The following FOCAD variants were observed in gnomAD, a reference collection of about 807,000 sequenced individuals.
FOCAD encodes the protein focadhesin.
FOCAD carries 198 observed loss-of-function variants against 225.6 expected under a neutral mutation model. That is an observed-to-expected ratio of 0.88 (90% CI 0.78 to 0.99). The LOEUF is 0.99. FOCAD is among the 50% of genes least tolerant of loss of function. FOCAD has a pLI of 0.00. For synonymous variants in FOCAD, 897 were observed against 755.0 expected (o/e 1.19, Z -3.08); for missense variants, 2,713 against 2,123.6 (o/e 1.28, Z -5.46).
At chr9:20,738,645 G>A in intron 4 of FOCAD, among the ~76,000 whole-genome samples, 1 of 152,188 alleles carries the variant, frequency 6.6e-6, no homozygotes. Flanking sequence ...TACCACTGTA[G>A]ATTGTGAAAA....
intron 11 of FOCAD, among the ~76,000 whole-genome samples, chr9:20,795,662 T>C (rs1820992175): frequency 6.6e-6 from 1 of 151,502 alleles, no homozygotes; most frequent in Admixed American, 6.6e-5. Context: ...CGGGTGCCTG[T>C]AGTCCCAGCT....
intron 27 of FOCAD, among the ~76,000 whole-genome samples, chr9:20,930,911 T>C (rs1835405073): frequency 6.6e-6 from 1 of 152,190 alleles, no homozygotes; most frequent in Non-Finnish European, 1.5e-5. Context: ...AAAGTGATTT[T>C]TTCCCTTTGC....
chr9:20,908,056 A>G (rs544090088), intron 22 of FOCAD, among the ~76,000 whole-genome samples: 2 of 152,228 alleles, frequency 1.3e-5, no homozygotes, highest in South Asian at 2.1e-4. Flanking sequence ...ATCCAATAAT[A>G]TTATAAGTTA....
At chr9:20,711,183 A>C (rs977711900) in intron 1 of FOCAD, among the ~76,000 whole-genome samples, 1 of 152,210 alleles carries the variant, frequency 6.6e-6, no homozygotes, top group Non-Finnish European at 1.5e-5. Context: ...CTATGAAAGG[A>C]GTTTAATATT....
intron 1 of FOCAD, among the ~76,000 whole-genome samples, chr9:20,699,787 TATATATATATATATATA>T (rs1469617454): frequency 1.1e-5 from 1 of 89,284 alleles, no homozygotes; most frequent in African/African-American, 5.2e-5. Context: ...TATATATATA[TATATATATATATATATA>T]TATATATATA....
At chr9:20,896,762 G>A (rs1464339909) in intron 21 of FOCAD, among the ~76,000 whole-genome samples, 1 of 151,746 alleles carries the variant, frequency 6.6e-6, no homozygotes, top group Non-Finnish European at 1.5e-5. Flanking sequence ...ATTTGTTAAG[G>A]TCTGTGTTAT....
At chr9:20,686,816 A>G (rs1267983091) in intron 1 of FOCAD, among the ~76,000 whole-genome samples, 1 of 152,194 alleles carries the variant, frequency 6.6e-6, no homozygotes, top group Non-Finnish European at 1.5e-5. Context: ...TTTTGTTACT[A>G]TTTCCACATG....
chr9:20,779,173 A>G (rs1819100729), intron 9 of FOCAD, among the ~76,000 whole-genome samples: 1 of 152,258 alleles, frequency 6.6e-6, no homozygotes, highest in South Asian at 2.1e-4. Context: ...TCTAGCTAGA[A>G]CAAATGAAAG....
intron 17 of FOCAD, 41 bp from the exon 18 acceptor site, chr9:20,866,888 C>CTTT (rs10629839): frequency 0.023 from 7,907 of 341,688 alleles, 2,512 homozygotes; most frequent in African/African-American, 0.072. Context: ...TGTTTGCTTG[C>CTTT]TTTTTTTTTT....
chr9:20,734,801 C>T (rs1352799541), intron 4 of FOCAD, among the ~76,000 whole-genome samples: 3 of 152,066 alleles, frequency 2.0e-5, no homozygotes. Context: ...CATGCCACCA[C>T]ACTTGGCCAG....
At chr9:20,769,060 C>G (rs578022550) in intron 7 of FOCAD, among the ~76,000 whole-genome samples, 1 of 152,098 alleles carries the variant, frequency 6.6e-6, no homozygotes, top group Non-Finnish European at 1.5e-5. Flanking sequence ...TTAAATCCGT[C>G]TCTTCTCTGT....
chr9:20,720,479 C>G lies in FOCAD; in HGVS notation c.232C>G (p.His78Asp), dbSNP rs901713895. Residue 78 changes from histidine to aspartate, a missense_variant, in exon 4 of 44, where the codon CAT becomes GAT. His to Asp is a moderately conservative substitution (Grantham distance 81). Transcript: ENST00000338382. ...EGLVALVAQD[H>D]AEFSYVLNGI... ...TCTGGTGGCACTCGTTGCTCAGGAT[C>G]ATGCAGAGTTCAGCTATGTTCTCAA... The G allele has an allele frequency of 9.9e-6, 16 of 1,613,936 alleles. No homozygotes were observed. In the Admixed American group the frequency reaches 2.3e-4, roughly 24 times the overall value.
intron 18 of FOCAD, chr9:20,873,911 T>C (rs1352950669): frequency 6.6e-6 from 1 of 152,186 alleles, no homozygotes; most frequent in Non-Finnish European, 1.5e-5. Context: ...TTTCCTCCCC[T>C]AATGCTTAAT....
At chr9:20,719,359 A>T (rs1462419371) in intron 3 of FOCAD, among the ~76,000 whole-genome samples, 4 of 152,242 alleles carry the variant, frequency 2.6e-5, no homozygotes, top group Admixed American at 6.5e-5. Context: ...TTGGGATTAC[A>T]GGCATGAGCC....
chr9:20,772,206 T>C (rs543934826), intron 8 of FOCAD, among the ~76,000 whole-genome samples: 1 of 152,122 alleles, frequency 6.6e-6, no homozygotes, highest in South Asian at 2.1e-4. Context: ...GCCATTCACT[T>C]TGAGAAATGG....
chr9:20,874,967 G>C, intron 19 of FOCAD, 160 bp downstream of exon 19: 1 of 884,422 alleles, frequency 1.1e-6, no homozygotes, highest in Admixed American at 2.5e-5. Context: ...AACAGCTTGA[G>C]GTAGTATGGT....
At chr9:20,687,478 A>G (rs1822736219) in intron 1 of FOCAD, among the ~76,000 whole-genome samples, 2 of 152,008 alleles carry the variant, frequency 1.3e-5, no homozygotes, top group Non-Finnish European at 2.9e-5. Context: ...AAACCTTTCT[A>G]TTTGGCCTAC....
rs572283764 is a variant in FOCAD at position 20,761,359 on chromosome 9, C to T, written c.494+3168C>T. ...GAGAACCGAGGAGAGCAACATTAAA[C>T]GACTTACTGAAGGTTTCTTGGCTAG... On this transcript the variant is annotated intron_variant, in intron 6 of 43. Coordinates refer to ENST00000338382, the MANE Select transcript of FOCAD (RefSeq NM_001375567.1). Among the ~76,000 whole-genome samples, 13 of 152,186 alleles carry T rather than the reference C, an allele frequency of 8.5e-5. No homozygotes were observed. In the South Asian group the frequency reaches 1.2e-3, roughly 15 times the overall value.
At chr9:20,678,330 G>A (rs1041132221) in intron 2 of FOCAD, among the ~76,000 whole-genome samples, 2 of 152,156 alleles carry the variant, frequency 1.3e-5, no homozygotes, top group Non-Finnish European at 2.9e-5. Context: ...CTGACCTTGA[G>A]CAAACTACCA....
Sources: allele counts gnomAD v4.1 joint callset (sites outside exome capture counted in the v4.1 genomes callset), GRCh38; gene constraint gnomAD v4.1.1; transcripts MANE v1.5; gene names NCBI Gene and HGNC (gene_info 2026-07-23, HGNC 2026-07-21).